The following RORA variants were observed in gnomAD, a reference collection of about 807,000 sequenced individuals.
RORA encodes RAR related orphan receptor A.
In RORA, 7 loss-of-function variants were observed where a neutral mutation model predicts 69.5. The ratio of observed to expected loss-of-function variants is 0.10; its 90% CI spans 0.06 to 0.19. The LOEUF is 0.19. Among genes scored for constraint, RORA ranks in the 10% least tolerant of loss-of-function variants. The pLI, the probability that RORA is intolerant of heterozygous loss-of-function variation, is 1.00. For missense variants in RORA, 457 were observed against 663.0 expected, an observed-to-expected ratio of 0.69 and a Z score of 3.41; for synonymous variants, 261 against 240.8, an observed-to-expected ratio of 1.08 and a Z score of -0.78.
intron 1 of RORA, among the ~76,000 whole-genome samples, chr15:60,847,515 C>A (rs2073279094): frequency 1.3e-5 from 2 of 151,882 alleles, no homozygotes; most frequent in African/African-American, 4.8e-5. Flanking sequence ...TTCTGAACAC[C>A]TTTGAGTAGA....
chr15:60,848,816 A>C (rs561005527), intron 1 of RORA: 2 of 152,342 alleles, frequency 1.3e-5, no homozygotes, highest in East Asian at 3.9e-4. Context: ...TGAGAATAGC[A>C]AGAGGGAAAT....
intron 1 of RORA, among the ~76,000 whole-genome samples, chr15:60,842,547 G>C (rs906541205): frequency 6.6e-6 from 1 of 152,194 alleles, no homozygotes; most frequent in African/African-American, 2.4e-5. Flanking sequence ...CAGGCCTGTA[G>C]AGATGAAGCA....
In RORA at chr15:60,999,960, CA is replaced by C. The variant is rs769836455; in HGVS notation, c.166+229092del. Among the ~76,000 whole-genome samples, 4 of 151,932 alleles carry C rather than the reference CA, an allele frequency of 2.6e-5. No homozygotes were observed. The South Asian group carries it at 6.2e-4, about 24-fold the overall frequency. On this transcript the variant is annotated intron_variant, in intron 1 of 10. Transcript: ENST00000335670. ...GAAATTAATCTGCCCCTTTCCCCCT[CA>C]AAAAAAGGCATCCTAACAGAACTAC...
At chr15:60,976,635 C>A (rs1471627394) in intron 1 of RORA, among the ~76,000 whole-genome samples, 1 of 152,164 alleles carries the variant, frequency 6.6e-6, no homozygotes, top group African/African-American at 2.4e-5. Context: ...TGGTCAATCC[C>A]AAAGTCCTTA....
At chr15:61,026,555 A>C (rs1311517862) in intron 1 of RORA, among the ~76,000 whole-genome samples, 1 of 152,130 alleles carries the variant, frequency 6.6e-6, no homozygotes, top group East Asian at 1.9e-4. Flanking sequence ...TATTTTATGA[A>C]ATACCATCCA....
At chr15:60,721,158 G>GA (rs1431774562) in intron 1 of RORA, among the ~76,000 whole-genome samples, 5 of 152,218 alleles carry the variant, frequency 3.3e-5, no homozygotes, top group African/African-American at 1.2e-4. Context: ...GCAGAAGAGA[G>GA]AAACAGAGGC....
In RORA at chr15:60,489,810, A is replaced by T. The variant is rs1256430855; in HGVS notation, c.*7645T>A. On this transcript the variant is annotated 3_prime_UTR_variant, in exon 11 of 11. Transcript: ENST00000335670. ...ATTATCTATAATAGGAGCTAAGAAT[A>T]CAACTGTGTTAGGTGCCAGTAATAC... 5 of 152,210 alleles carry T rather than the reference A, an allele frequency of 3.3e-5. No individual in the cohort carries two copies. Among genetic ancestry groups the T allele is most frequent in the Non-Finnish European group, 7.3e-5 (5 of 68,040 alleles). The allele number at this position is 152,210 out of a possible 1,614,324, so 9.4% of individuals were successfully genotyped here.
intron 1 of RORA, among the ~76,000 whole-genome samples, chr15:61,211,344 TCAGAAGTGCCAA>T (rs1013132699): frequency 1.3e-5 from 2 of 149,216 alleles, no homozygotes; most frequent in Non-Finnish European, 3.0e-5. Context: ...TTCCTTCCGC[TCAGAAGTGCCAA>T]CAGATAAAAT....
At chr15:60,941,615 A>G (rs912182612) in intron 1 of RORA, among the ~76,000 whole-genome samples, 1 of 152,192 alleles carries the variant, frequency 6.6e-6, no homozygotes, top group Non-Finnish European at 1.5e-5. Flanking sequence ...TTCTTGGAAG[A>G]TCTCCAGTGT....
At chr15:60,499,595 ACT>A (rs1378185917) in intron 10 of RORA, among the ~76,000 whole-genome samples, 1 of 152,136 alleles carries the variant, frequency 6.6e-6, no homozygotes, top group Admixed American at 6.6e-5. Context: ...CAGAATATTA[ACT>A]CTGCTTTATG....
At chr15:60,522,238 C>G (rs2066193113) in intron 3 of RORA, among the ~76,000 whole-genome samples, 1 of 152,118 alleles carries the variant, frequency 6.6e-6, no homozygotes, top group Non-Finnish European at 1.5e-5. Flanking sequence ...ATCAATTATC[C>G]TTATATCTGA....
At chr15:60,551,921 C>T (rs977714680) in intron 2 of RORA, among the ~76,000 whole-genome samples, 1 of 152,222 alleles carries the variant, frequency 6.6e-6, no homozygotes, top group African/African-American at 2.4e-5. Context: ...CAGAGAAAAA[C>T]AGAACCAGTG....
At chr15:60,570,675 A>T (rs2067853512) in intron 2 of RORA, among the ~76,000 whole-genome samples, 1 of 152,160 alleles carries the variant, frequency 6.6e-6, no homozygotes, top group Non-Finnish European at 1.5e-5. Context: ...TGATGATTTT[A>T]AAACAGCTAT....
chr15:60,512,870 C>T (rs2065747186), intron 4 of RORA, among the ~76,000 whole-genome samples: 1 of 152,134 alleles, frequency 6.6e-6, no homozygotes, highest in Non-Finnish European at 1.5e-5. Flanking sequence ...AACAAAAAAC[C>T]CTATGATTTC....
At chr15:60,726,922 C>T (rs964552267) in intron 1 of RORA, among the ~76,000 whole-genome samples, 3 of 152,154 alleles carry the variant, frequency 2.0e-5, no homozygotes, top group African/African-American at 7.2e-5. Context: ...ATAGAAAGAA[C>T]ACTAATTATA....
chr15:60,938,969 T>C lies in RORA; in HGVS notation c.167-260283A>G, dbSNP rs147313731. On this transcript the variant is annotated intron_variant, in intron 1 of 10. Transcript: ENST00000335670. Reference sequence around the variant, plus strand: ...ATCAGGCTTATTCATGCAACATGCTTCCAGAAATGTGTTCAAGTCCTGTCA... The same window carrying C: ...ATCAGGCTTATTCATGCAACATGCTCCCAGAAATGTGTTCAAGTCCTGTCA... 2.9e-3 allele frequency among the ~76,000 whole-genome samples: 439 copies of C among 152,328 alleles called. 3 individuals are homozygous for C. The highest frequency in any genetic ancestry group is 0.01 in the African/African-American group (423 of 41,566).
intron 1 of RORA, among the ~76,000 whole-genome samples, chr15:60,919,061 T>C (rs548627291): frequency 6.6e-6 from 1 of 152,140 alleles, no homozygotes; most frequent in Non-Finnish European, 1.5e-5. Context: ...GCGGCTTATA[T>C]AATATGCACT....
intron 1 of RORA, among the ~76,000 whole-genome samples, chr15:60,955,167 T>C (rs532953567): frequency 2.0e-5 from 3 of 152,254 alleles, no homozygotes; most frequent in Admixed American, 6.5e-5. Flanking sequence ...CTGGGTGTGG[T>C]GATGCATGCC....
intron 1 of RORA, among the ~76,000 whole-genome samples, chr15:61,096,796 T>C (rs549804310): frequency 1.3e-5 from 2 of 152,304 alleles, no homozygotes; most frequent in African/African-American, 4.8e-5. Flanking sequence ...AAATACACAC[T>C]GGGGAGCCAT....
Sources: allele counts gnomAD v4.1 joint callset (sites outside exome capture counted in the v4.1 genomes callset), GRCh38; gene constraint gnomAD v4.1.1; transcripts MANE v1.5; gene names NCBI Gene and HGNC (gene_info 2026-07-23, HGNC 2026-07-21).